Variants in PIP5K1B observed in about 807,000 individuals in gnomAD.
PIP5K1B encodes the protein phosphatidylinositol-4-phosphate 5-kinase type 1 beta, also known as phosphatidylinositol 4-phosphate 5-kinase type-1 beta.
PIP5K1B carries 42 observed loss-of-function variants against 67.0 expected under a neutral mutation model. That is an observed-to-expected ratio of 0.63 (90% CI 0.49 to 0.81). PIP5K1B has a LOEUF of 0.81. Ranked by LOEUF, PIP5K1B falls within the 30% of genes least tolerant of loss-of-function variation. The pLI is 0.00. For synonymous variants in PIP5K1B, 214 were observed against 231.4 expected, an observed-to-expected ratio of 0.92 and a Z score of 0.68; for missense variants, 459 against 646.3, an observed-to-expected ratio of 0.71 and a Z score of 3.14.
At chr9:68,733,685 G>C (rs1369607257) in intron 1 of PIP5K1B, among the ~76,000 whole-genome samples, 1 of 125,730 alleles carries the variant, frequency 8.0e-6, no homozygotes, top group Non-Finnish European at 1.6e-5. Flanking sequence ...ATTCGCCCAG[G>C]CTGGAGTGCA....
At chr9:68,774,484 T>A (rs1461221511) in intron 2 of PIP5K1B, among the ~76,000 whole-genome samples, 1 of 152,192 alleles carries the variant, frequency 6.6e-6, no homozygotes, top group Non-Finnish European at 1.5e-5. Flanking sequence ...TCTGTCCTTC[T>A]CCATTTACAT....
Position 68,822,629 on chromosome 9 carries a change from T to C in PIP5K1B, c.15T>C (p.Ala5=), listed in dbSNP as rs1833785816. Residue 5 remains alanine (A), a synonymous_variant, in exon 4 of 16, where the codon GCT becomes GCC. Coordinates refer to ENST00000265382, the MANE Select transcript of PIP5K1B (RefSeq NM_003558.4). ...TTCTCTTGTAGATGTCTTCTGCTGC[T>C]GAAAATGGAGAGGCAGCACCTGGAA... MSSA[A]ENGEAAPGKQ... 6.2e-7 allele frequency: 1 copy of C among 1,612,992 alleles called. No individual in the cohort carries two copies. The highest frequency in any genetic ancestry group is 8.5e-7 in the Non-Finnish European group (1 of 1,179,258).
intron 4 of PIP5K1B, among the ~76,000 whole-genome samples, chr9:68,840,721 A>T (rs1237570319): frequency 6.6e-6 from 1 of 152,152 alleles, no homozygotes; most frequent in African/African-American, 2.4e-5. Flanking sequence ...AACTCTTAAC[A>T]ACCCATATTA....
chr9:68,877,237 G>T (rs1444217796), intron 6 of PIP5K1B, among the ~76,000 whole-genome samples: 1 of 152,156 alleles, frequency 6.6e-6, no homozygotes, highest in Non-Finnish European at 1.5e-5. Flanking sequence ...GGATAGTTTT[G>T]TTCTCAAGAT....
chr9:69,005,854 C>T (rs1266924173), intron 15 of PIP5K1B, among the ~76,000 whole-genome samples: 1 of 151,856 alleles, frequency 6.6e-6, no homozygotes, highest in Non-Finnish European at 1.5e-5. Flanking sequence ...AGCAACTGCT[C>T]CTTCTTTAGT....
intron 14 of PIP5K1B, among the ~76,000 whole-genome samples, chr9:68,955,516 C>G (rs1410392191): frequency 1.3e-5 from 2 of 152,142 alleles, no homozygotes; most frequent in African/African-American, 4.8e-5. Flanking sequence ...AGAAACAGTT[C>G]TTAATAAACA....
At chr9:68,877,614 G>A (rs1344228895) in intron 6 of PIP5K1B, among the ~76,000 whole-genome samples, 1 of 152,174 alleles carries the variant, frequency 6.6e-6, no homozygotes, top group Non-Finnish European at 1.5e-5. Flanking sequence ...CTTTTCAGAG[G>A]AAGTATAGCA....
chr9:68,903,252 T>C (rs1212028981), intron 8 of PIP5K1B, among the ~76,000 whole-genome samples: 1 of 152,192 alleles, frequency 6.6e-6, no homozygotes, highest in Non-Finnish European at 1.5e-5. Context: ...GCCTAGGAAA[T>C]AGCAACAGCA....
intron 15 of PIP5K1B, among the ~76,000 whole-genome samples, chr9:68,991,827 T>G (rs1229269682): frequency 6.6e-6 from 1 of 152,216 alleles, no homozygotes; most frequent in Non-Finnish European, 1.5e-5. Flanking sequence ...TTAGTGCCTG[T>G]CAAATTACCT....
chr9:68,999,665 T>A lies in PIP5K1B; in HGVS notation c.1620+8408T>A, dbSNP rs115835289. ...ATCCTGGAATTCTTGTATGCTAATG[T>A]AAGGGGGAACCGTGTGACTCCCCTG... is the stretch of plus-strand genomic sequence containing the variant. On this transcript the variant is annotated intron_variant, in intron 15 of 15. Transcript: ENST00000265382. 8.3e-3 allele frequency among the ~76,000 whole-genome samples: 1,267 copies of A among 152,134 alleles called. 15 individuals are homozygous for A. The highest frequency in any genetic ancestry group is 0.029 in the African/African-American group (1,210 of 41,408).
In PIP5K1B at chr9:68,869,768, A is replaced by C. The variant is rs189364390; in HGVS notation, c.200+5801A>C. 5.3e-4 allele frequency among the ~76,000 whole-genome samples: 80 copies of C among 152,304 alleles called. 1 individual carries two copies. The highest frequency in any genetic ancestry group is 1.9e-3 in the African/African-American group (78 of 41,580). ...CGAGGTGGGAAGATCACATGAGCTCAAGAGTTTGAAAGCAGCCTGGGCAAT... is the reference window on the plus strand; with the variant it reads ...CGAGGTGGGAAGATCACATGAGCTCCAGAGTTTGAAAGCAGCCTGGGCAAT... On this transcript the variant is annotated intron_variant, in intron 5 of 15. Transcript: ENST00000265382.
intron 2 of PIP5K1B, among the ~76,000 whole-genome samples, chr9:68,758,652 G>T (rs985665814): frequency 2.0e-5 from 3 of 152,018 alleles, no homozygotes; most frequent in Non-Finnish European, 2.9e-5. Flanking sequence ...AATGTTCATG[G>T]CATCAGAACC....
At chr9:68,797,864 T>C (rs1284777638) in intron 2 of PIP5K1B, among the ~76,000 whole-genome samples, 1 of 152,050 alleles carries the variant, frequency 6.6e-6, no homozygotes, top group South Asian at 2.1e-4. Flanking sequence ...GGAAAAGCCT[T>C]GGGCTATACA....
rs893701465 is a variant in PIP5K1B, at chr9:68,705,625, C to G, written c.-380C>G. 8 of 140,532 alleles carry G rather than the reference C, an allele frequency of 5.7e-5. No individual in the cohort carries two copies. The highest frequency in any genetic ancestry group is 1.0e-4 in the African/African-American group (4 of 38,240). 8.7% of individuals were successfully genotyped at this position (140,532 alleles called of 1,614,324 possible). ...CCCCGCCCGCCGCCCCCTCCGCCCT[C>G]CCGCCCCTCCCGCCCCTCCCGCCCC... On this transcript the variant is annotated 5_prime_UTR_variant, in exon 1 of 16. Coordinates refer to ENST00000265382, the MANE Select transcript of PIP5K1B (RefSeq NM_003558.4).
chr9:68,898,353 C>A (rs1825194544), intron 8 of PIP5K1B, among the ~76,000 whole-genome samples: 1 of 152,100 alleles, frequency 6.6e-6, no homozygotes, highest in Non-Finnish European at 1.5e-5. Context: ...AATGATGAGT[C>A]CCCTTTCTTG....
intron 14 of PIP5K1B, chr9:68,941,128 A>G (rs1827541686): frequency 2.1e-6 from 1 of 472,280 alleles, no homozygotes; most frequent in Non-Finnish European, 4.2e-6. Flanking sequence ...TTACACAGGT[A>G]GCTGCAAAGA....
intron 12 of PIP5K1B, among the ~76,000 whole-genome samples, chr9:68,926,146 A>C (rs1391635912): frequency 1.3e-5 from 2 of 151,988 alleles, no homozygotes; most frequent in African/African-American, 4.8e-5. Context: ...GCCCTGTGCC[A>C]AGGTTGGAAA....
chr9:68,755,567 CTG>C (rs1829884828), intron 2 of PIP5K1B, among the ~76,000 whole-genome samples: 2 of 152,126 alleles, frequency 1.3e-5, no homozygotes, highest in Admixed American at 1.3e-4. Context: ...GAATATAAGC[CTG>C]TTACTAGGGA....
chr9:68,961,262 AAAGTAAGTTAGCAGTTACCT>A lies in PIP5K1B; in HGVS notation c.1502+20474_1502+20493del, dbSNP rs1828732381. Among the ~76,000 whole-genome samples, 3 of 151,938 alleles carry A rather than the reference AAAGTAAGTTAGCAGTTACCT, an allele frequency of 2.0e-5. No individual in the cohort carries two copies. The South Asian group carries it at 6.2e-4, about 32-fold the overall frequency. Reference sequence around the variant, plus strand: ...TGTCACCACAAATCTATCAAGACAGAAAGTAAGTTAGCAGTTACCTAGTGCTGGGGATTTTGGGGAAATGG... The same window carrying A: ...TGTCACCACAAATCTATCAAGACAGAAGTGCTGGGGATTTTGGGGAAATGG... On this transcript the variant is annotated intron_variant, in intron 14 of 15. Coordinates refer to ENST00000265382, the MANE Select transcript of PIP5K1B (RefSeq NM_003558.4).
Sources: allele counts gnomAD v4.1 joint callset (sites outside exome capture counted in the v4.1 genomes callset), GRCh38; gene constraint gnomAD v4.1.1; transcripts MANE v1.5; gene names NCBI Gene and HGNC (gene_info 2026-07-23, HGNC 2026-07-21).